LYRM4: variants seen among roughly 807,000 people sequenced by gnomAD.
LYRM4 encodes LYR motif-containing protein 4.
Under a neutral mutation model 11.7 loss-of-function variants are expected in LYRM4, and 9 were observed. The ratio of observed to expected loss-of-function variants is 0.77; its 90% CI spans 0.46 to 1.34. The LOEUF (loss-of-function observed/expected upper bound fraction) is 1.34, where lower values mean the gene tolerates loss of function less well. LYRM4 is among the 40% of genes most tolerant of loss of function. The probability of loss-of-function intolerance (pLI) is 0.00; values close to 1 mark genes in which losing one functional copy is unlikely to be tolerated. For synonymous variants in LYRM4, 42 were observed against 40.4 expected, an observed-to-expected ratio of 1.04 and a Z score of -0.15; for missense variants, 133 against 112.5, an observed-to-expected ratio of 1.18 and a Z score of -0.82.
intron 2 of LYRM4, among the ~76,000 whole-genome samples, chr6:5,188,236 G>A (rs1481691162): frequency 6.6e-6 from 1 of 151,902 alleles, no homozygotes; most frequent in African/African-American, 2.4e-5. Context: ...GCTGGGAGTG[G>A]TGGCATGTGC....
chr6:5,233,927 C>G (rs913213392), intron 1 of LYRM4, among the ~76,000 whole-genome samples: 3 of 152,208 alleles, frequency 2.0e-5, no homozygotes, highest in Non-Finnish European at 2.9e-5. Flanking sequence ...AAGATACGAA[C>G]CCAGGCAAGT....
At chr6:5,073,076 TA>T in the LYRM4 span, among the ~76,000 whole-genome samples, 754 of 152,252 alleles carry the variant, frequency 5.0e-3, 7 homozygotes, top group South Asian at 0.016. Context: ...TGTCAGTTAT[TA>T]AAAAATGTAG....
At chr6:5,260,263 A>T (rs1376091968) in intron 1 of LYRM4, among the ~76,000 whole-genome samples, 4 of 152,116 alleles carry the variant, frequency 2.6e-5, no homozygotes, top group South Asian at 4.1e-4. Flanking sequence ...TCCACTCTCA[A>T]CTCTTCCAGT....
chr6:5,214,085 C>T (rs192857470), intron 2 of LYRM4, among the ~76,000 whole-genome samples: 9 of 152,318 alleles, frequency 5.9e-5, no homozygotes, highest in Admixed American at 1.3e-4. Flanking sequence ...ATGATGACAG[C>T]GACAGGGGAG....
intron 1 of LYRM4, among the ~76,000 whole-genome samples, chr6:5,256,680 A>G (rs1311586108): frequency 6.6e-6 from 1 of 152,086 alleles, no homozygotes; most frequent in Admixed American, 6.5e-5. Context: ...TGACTACTGC[A>G]GTGCTCATCA....
the LYRM4 span, among the ~76,000 whole-genome samples, chr6:5,052,773 T>C: frequency 1.3e-5 from 2 of 152,230 alleles, no homozygotes; most frequent in African/African-American, 4.8e-5. Context: ...AAATAATTTT[T>C]AAAAAATTAA....
At chr6:5,233,205 A>G (rs1216026753) in intron 1 of LYRM4, among the ~76,000 whole-genome samples, 1 of 152,198 alleles carries the variant, frequency 6.6e-6, no homozygotes, top group Non-Finnish European at 1.5e-5. Context: ...AAAAAAAATG[A>G]GTGACTTGGC....
downstream of LYRM4, chr6:5,107,647 C>A (rs550177753): frequency 6.6e-6 from 1 of 152,342 alleles, no homozygotes; most frequent in African/African-American, 2.4e-5. Context: ...TGCTCTAACA[C>A]TGCAGCTCCC....
intron 2 of LYRM4, among the ~76,000 whole-genome samples, 187 bp downstream of exon 2, chr6:5,216,431 T>A (rs1762275423): frequency 6.6e-6 from 1 of 152,220 alleles, no homozygotes; most frequent in Non-Finnish European, 1.5e-5. Context: ...AAGCTGGTAT[T>A]TTAAGTTCAA....
chr6:5,100,136 C>T (rs1762454220), downstream of LYRM4, among the ~76,000 whole-genome samples: 1 of 152,216 alleles, frequency 6.6e-6, no homozygotes, highest in Non-Finnish European at 1.5e-5. Context: ...GAACTTACCT[C>T]TTGCAGGCCT....
chr6:5,120,170 T>C (rs1011135288), intron 2 of LYRM4, among the ~76,000 whole-genome samples: 5 of 152,136 alleles, frequency 3.3e-5, no homozygotes, highest in Non-Finnish European at 7.4e-5. Context: ...GCTAGGATTA[T>C]AGGCATGAGG....
At chr6:5,095,655 C>T in the LYRM4 span, among the ~76,000 whole-genome samples, 1 of 152,164 alleles carries the variant, frequency 6.6e-6, no homozygotes, top group Non-Finnish European at 1.5e-5. Context: ...TTAGGATATC[C>T]TTAACAAACC....
chr6:5,260,674 GCTCT>G lies in LYRM4; in HGVS notation c.56_59del (p.Glu19AlafsTer17). On this transcript the variant is annotated frameshift_variant, in exon 1 of 3. Transcript: ENST00000330636. LOFTEE classifies it high-confidence loss of function. Reference sequence around the variant, plus strand: ...TGTAATTGTAGGCGCTGAAACGCTTGCTCTCTCTCAGCATCGCCCGGTACAGAGA... The same window carrying G: ...TGTAATTGTAGGCGCTGAAACGCTTGCTCTCAGCATCGCCCGGTACAGAGA... The G allele has an allele frequency of 2.6e-6, 4 of 1,548,558 alleles. No homozygotes were observed. The South Asian group carries it at 4.7e-5, about 18-fold the overall frequency.
chr6:5,210,307 C>T (rs975447125), intron 2 of LYRM4, among the ~76,000 whole-genome samples: 5 of 152,142 alleles, frequency 3.3e-5, no homozygotes, highest in African/African-American at 1.2e-4. Context: ...GAACTGGCAG[C>T]AGCCTTAGAA....
chr6:5,217,290 C>T (rs569294292), intron 1 of LYRM4, among the ~76,000 whole-genome samples: 2 of 152,338 alleles, frequency 1.3e-5, no homozygotes, highest in African/African-American at 4.8e-5. Context: ...AGGATCCCAC[C>T]ACAGTTGAAC....
chr6:5,085,877 G>C, the LYRM4 span: 1 of 1,531,490 alleles, frequency 6.5e-7, no homozygotes. Context: ...TGCAAGAAGC[G>C]GGTGCAGTTC....
chr6:5,111,256 G>C (rs1025105569), intron 2 of LYRM4, among the ~76,000 whole-genome samples: 3 of 152,126 alleles, frequency 2.0e-5, no homozygotes, highest in African/African-American at 7.2e-5. Flanking sequence ...TTAAAACTAG[G>C]CTAATACAAA....
At chr6:5,245,628 A>G (rs1764162807) in intron 1 of LYRM4, among the ~76,000 whole-genome samples, 1 of 152,248 alleles carries the variant, frequency 6.6e-6, no homozygotes, top group East Asian at 1.9e-4. Context: ...TTGGGCTGAC[A>G]GTACTGAGCA....
At chr6:5,149,836 G>A (rs1757989652) in intron 2 of LYRM4, among the ~76,000 whole-genome samples, 2 of 152,288 alleles carry the variant, frequency 1.3e-5, no homozygotes, top group South Asian at 4.1e-4. Context: ...ACAACAGGCA[G>A]GTGCAAGCCA....
Sources: allele counts gnomAD v4.1 joint callset (sites outside exome capture counted in the v4.1 genomes callset), GRCh38; gene constraint gnomAD v4.1.1; transcripts MANE v1.5; gene names NCBI Gene and HGNC (gene_info 2026-07-23, HGNC 2026-07-21).